The following ACO1 variants were observed in gnomAD, a reference collection of about 807,000 sequenced individuals.
ACO1 encodes cytoplasmic aconitate hydratase.
In ACO1, 78 loss-of-function variants were observed where a neutral mutation model predicts 105.1. The ratio of observed to expected loss-of-function variants is 0.74; its 90% confidence interval spans 0.62 to 0.90. The LOEUF is 0.90. ACO1 is among the 40% of genes least tolerant of loss of function. The pLI, the probability that ACO1 is intolerant of heterozygous loss-of-function variation, is 0.00. For synonymous variants in ACO1, 364 were observed against 397.4 expected, an observed-to-expected ratio of 0.92 and a Z score of 1.00; for missense variants, 965 against 1,111.1, an observed-to-expected ratio of 0.87 and a Z score of 1.87.
At chr9:32,445,677 G>T in intron 19 of ACO1, 1 of 237,512 alleles carries the variant, frequency 4.2e-6, no homozygotes, top group South Asian at 3.7e-5. Context: ...GTTTGCTCTT[G>T]CTTCTCTAGT....
intron 1 of ACO1, among the ~76,000 whole-genome samples, chr9:32,393,134 G>A (rs1821301088): frequency 6.6e-6 from 1 of 152,238 alleles, no homozygotes. Flanking sequence ...GAACAAGAGA[G>A]ATAACCTTAA....
At chr9:32,402,891 T>C (rs1821527706) in intron 1 of ACO1, among the ~76,000 whole-genome samples, 1 of 152,180 alleles carries the variant, frequency 6.6e-6, no homozygotes, top group Non-Finnish European at 1.5e-5. Context: ...AAGCTAGTCT[T>C]TGGTTGCTGA....
At chr9:32,398,545 T>C (rs1024980328) in intron 1 of ACO1, among the ~76,000 whole-genome samples, 3 of 151,536 alleles carry the variant, frequency 2.0e-5, no homozygotes, top group Non-Finnish European at 4.4e-5. Flanking sequence ...AATTTCTTTT[T>C]TTTTTTCTTT....
At chr9:32,445,604 T>C in intron 19 of ACO1, 1 of 305,130 alleles carries the variant, frequency 3.3e-6, no homozygotes, top group Non-Finnish European at 6.7e-6. Flanking sequence ...TTCTGGTGTC[T>C]CTGTCTCCTT....
In ACO1 at chr9:32,452,186, C is replaced by A. The variant is rs1209978326; in HGVS notation, c.*2075C>A. ...ATGGCTGAGAAAACAGACCTCCACC[C>A]TCTCAGCTCTCCATTACTGAGCAGC... is the stretch of plus-strand genomic sequence containing the variant. On this transcript the variant is annotated 3_prime_UTR_variant, in exon 21 of 21. Coordinates refer to ENST00000309951, the MANE Select transcript of ACO1 (RefSeq NM_002197.3). 6.6e-6 allele frequency: 1 copy of A among 152,302 alleles called. No individual in the cohort carries two copies. The highest frequency in any genetic ancestry group is 1.5e-5 in the Non-Finnish European group (1 of 68,078). 9.4% of individuals were successfully genotyped at this position (152,302 alleles called of 1,614,324 possible).
At chr9:32,415,033 A>G (rs1821818714) in intron 4 of ACO1, among the ~76,000 whole-genome samples, 2 of 152,174 alleles carry the variant, frequency 1.3e-5, no homozygotes, top group Admixed American at 6.5e-5. Context: ...CCTGTTTACC[A>G]AGGAGAGAAG....
At chr9:32,431,135 C>T (rs1822225839) in intron 14 of ACO1, among the ~76,000 whole-genome samples, 1 of 152,156 alleles carries the variant, frequency 6.6e-6, no homozygotes, top group Non-Finnish European at 1.5e-5. Flanking sequence ...GTATTTTAAC[C>T]CCCAAATCAG....
chr9:32,419,233 A>G (rs1208606995), intron 7 of ACO1, 56 bp downstream of exon 7: 6 of 1,479,344 alleles, frequency 4.1e-6, no homozygotes, highest in Non-Finnish European at 5.4e-6. Flanking sequence ...TAGCTTTCCA[A>G]TGGAGGGAAT....
At chr9:32,431,695 C>G (rs1055028227) in intron 14 of ACO1, 24 bp from the exon 15 acceptor site, 2 of 1,613,066 alleles carry the variant, frequency 1.2e-6, no homozygotes, top group Non-Finnish European at 8.5e-7. Flanking sequence ...AAAGTTTTCT[C>G]ATTAATAAAC....
At chr9:32,433,280 C>A (rs1048736033) in intron 15 of ACO1, among the ~76,000 whole-genome samples, 1 of 152,186 alleles carries the variant, frequency 6.6e-6, no homozygotes, top group Non-Finnish European at 1.5e-5. Flanking sequence ...GTCACCCAGG[C>A]TGGAGTGCAG....
Position 32,450,038 on chromosome 9 carries a change from A to T in ACO1, c.2597A>T (p.Asp866Val). The change falls in exon 21 of 21, where the codon GAC (aspartate) becomes GTC (valine). Residue 866 changes from aspartate to valine, a missense_variant. Coordinates refer to ENST00000309951, the MANE Select transcript of ACO1 (RefSeq NM_002197.3). ...GKTFQAVMRF[D>V]TDVELTYFLN... ...ACCTTCCAGGCTGTCATGAGGTTTG[A>T]CACTGATGTGGAGCTCACTTATTTC... 6.2e-7 allele frequency: 1 copy of T among 1,614,074 alleles called. No homozygotes were observed. The highest frequency in any genetic ancestry group is 8.5e-7 in the Non-Finnish European group (1 of 1,180,016).
intron 18 of ACO1, among the ~76,000 whole-genome samples, chr9:32,437,477 A>G (rs1372373552): frequency 6.6e-6 from 1 of 152,264 alleles, no homozygotes; most frequent in East Asian, 1.9e-4. Flanking sequence ...GTTACAGAAT[A>G]TTAAATGTAA....
At chr9:32,431,926 C>T in intron 15 of ACO1, 83 bp downstream of exon 15, 1 of 1,497,328 alleles carries the variant, frequency 6.7e-7, no homozygotes, top group Non-Finnish European at 9.1e-7. Context: ...GACCTCAAGG[C>T]TAACGGAAGT....
intron 4 of ACO1, among the ~76,000 whole-genome samples, chr9:32,416,225 G>A (rs1195223494): frequency 6.6e-6 from 1 of 151,696 alleles, no homozygotes; most frequent in Non-Finnish European, 1.5e-5. Flanking sequence ...CTCTCGAGTA[G>A]CTGGGATTAC....
In ACO1 at chr9:32,419,043, G is replaced by A. The variant is rs745839445; in HGVS notation, c.664G>A (p.Gly222Ser). The change falls in exon 7 of 21, where the codon GGT (glycine) becomes AGT (serine). Residue 222 changes from glycine (G) to serine (S), a missense_variant. Transcript: ENST00000309951. ...GGTCATGCCGTTCATTGCAGGTGTC[G>A]GTGGTATTGAAGCAGAAGCTGTCAT... ...DGLGILGWGV[G>S]GIEAEAVMLG... The A allele has an allele frequency of 5.6e-6, 9 of 1,599,868 alleles. No homozygotes were observed. Among genetic ancestry groups the A allele is most frequent in the South Asian group, 2.2e-5 (2 of 89,276 alleles).
At chr9:32,436,205 T>TTGCTTG in intron 17 of ACO1, 45 bp from the exon 18 acceptor site, 1 of 1,612,902 alleles carries the variant, frequency 6.2e-7, no homozygotes, top group Non-Finnish European at 8.5e-7. Context: ...AGGTTAATCT[T>TTGCTTG]TGCTTGCTTC....
In ACO1 at chr9:32,451,192, C is replaced by G. The variant is rs550243721; in HGVS notation, c.*1081C>G. ...TGCTTGGGTTGCTATAATGTAATGCCATAGACTGGCTGAAAGAACAGAAAT... is the reference window on the plus strand; with the variant it reads ...TGCTTGGGTTGCTATAATGTAATGCGATAGACTGGCTGAAAGAACAGAAAT... On this transcript the variant is annotated 3_prime_UTR_variant, in exon 21 of 21. Coordinates refer to ENST00000309951, the MANE Select transcript of ACO1 (RefSeq NM_002197.3). 43 of 152,262 alleles carry G rather than the reference C, an allele frequency of 2.8e-4. No individual in the cohort carries two copies. Among genetic ancestry groups the G allele is most frequent in the African/African-American group, 9.6e-4 (40 of 41,552 alleles). The allele number at this position is 152,262 out of a possible 1,614,324, so 9.4% of individuals were successfully genotyped here.
Position 32,450,722 on chromosome 9 carries a change from AT to A in ACO1, c.*612del. ...TTTTGATAGATCCACATAAAAAGAA[AT>A]GTGAAGTTTTCTTTTACTATCTTTT... On this transcript the variant is annotated 3_prime_UTR_variant, in exon 21 of 21. Coordinates refer to ENST00000309951, the MANE Select transcript of ACO1 (RefSeq NM_002197.3). 1 of 152,188 alleles carries A rather than the reference AT, an allele frequency of 6.6e-6. No individual in the cohort carries two copies. Among genetic ancestry groups the A allele is most frequent in the East Asian group, 1.9e-4 (1 of 5,176 alleles). The allele number at this position is 152,188 out of a possible 1,614,324, so 9.4% of individuals were successfully genotyped here.
At chr9:32,430,312 C>A in intron 13 of ACO1, 106 bp from the exon 14 acceptor site, 2 of 1,191,802 alleles carry the variant, frequency 1.7e-6, no homozygotes, top group Non-Finnish European at 2.3e-6. Flanking sequence ...GAAAGGGCAG[C>A]TTAAAGGACT....
Sources: allele counts gnomAD v4.1 joint callset (sites outside exome capture counted in the v4.1 genomes callset), GRCh38; gene constraint gnomAD v4.1.1; transcripts MANE v1.5; gene names NCBI Gene and HGNC (gene_info 2026-07-23, HGNC 2026-07-21).